The following SNX13 variants were observed in gnomAD, a reference collection of about 807,000 sequenced individuals.
SNX13 encodes sorting nexin 13, also known as sorting nexin-13.
Under a neutral mutation model 133.6 loss-of-function variants are expected in SNX13, and 45 were observed. The observed-to-expected ratio is 0.34, with a 90% CI of 0.27 to 0.43. SNX13 has a LOEUF of 0.43. Among genes scored for constraint, SNX13 ranks in the 20% least tolerant of loss-of-function variants. SNX13 has a pLI of 1.00. For synonymous variants in SNX13, 414 were observed against 373.9 expected (o/e 1.11, Z -1.24); for missense variants, 1,032 against 1,145.1 (o/e 0.90, Z 1.43).
At chr7:17,940,248 T>G in intron 1 of SNX13, 36 bp downstream of exon 1, 1 of 1,554,274 alleles carries the variant, frequency 6.4e-7, no homozygotes, top group Non-Finnish European at 8.7e-7. Flanking sequence ...CCCTTCCCCA[T>G]TTCACAGGTA....
At chr7:17,897,683 T>C (rs929593192) in intron 1 of SNX13, among the ~76,000 whole-genome samples, 2 of 152,064 alleles carry the variant, frequency 1.3e-5, no homozygotes, top group Non-Finnish European at 2.9e-5. Context: ...TTTTAAAAAA[T>C]CCTAGTGGCA....
At chr7:17,856,295 T>C (rs548300626) in intron 9 of SNX13, among the ~76,000 whole-genome samples, 3 of 152,334 alleles carry the variant, frequency 2.0e-5, no homozygotes, top group Admixed American at 2.0e-4. Flanking sequence ...AGCCTCATGG[T>C]AATGACAATC....
chr7:17,910,569 C>T (rs1424288829), intron 1 of SNX13, among the ~76,000 whole-genome samples: 10 of 152,008 alleles, frequency 6.6e-5, no homozygotes, highest in African/African-American at 2.4e-4. Flanking sequence ...TATGTACATA[C>T]CCAAAATAAT....
chr7:17,875,455 C>T lies in SNX13; in HGVS notation c.664+25G>A, dbSNP rs777741454. On this transcript the variant is annotated intron_variant, in intron 7 of 25. Transcript: ENST00000428135. ...CTTGACTCTAGCCAGCTACTATTGT[C>T]AAAAAAGTTAAATTAAAAGAAAACC... is the stretch of plus-strand genomic sequence containing the variant. The T allele has an allele frequency of 4.4e-6, 7 of 1,594,688 alleles. No homozygotes were observed. The African/African-American group carries it at 5.5e-5, about 12-fold the overall frequency.
intron 21 of SNX13, among the ~76,000 whole-genome samples, chr7:17,802,494 T>C (rs957754529): frequency 2.0e-5 from 3 of 152,134 alleles, no homozygotes; most frequent in Non-Finnish European, 2.9e-5. Context: ...TCTCAAGTTA[T>C]TGGTGATGAC....
At chr7:17,834,468 G>A (rs1181822299) in intron 14 of SNX13, among the ~76,000 whole-genome samples, 1 of 151,762 alleles carries the variant, frequency 6.6e-6, no homozygotes. Context: ...ATGTTAAAAT[G>A]AATTTGAAAG....
At chr7:17,865,128 G>C (rs1014189993) in intron 9 of SNX13, among the ~76,000 whole-genome samples, 2 of 152,254 alleles carry the variant, frequency 1.3e-5, no homozygotes, top group African/African-American at 4.8e-5. Context: ...TGAAAGAAAA[G>C]CATGTTAATG....
intron 1 of SNX13, chr7:17,899,627 A>G (rs566997160): frequency 6.6e-6 from 1 of 151,096 alleles, no homozygotes; most frequent in African/African-American, 2.4e-5. Context: ...GCATTTTTCA[A>G]CTCCAAGATT....
rs185062621 is a variant in SNX13, at chr7:17,828,174, A to G, written c.1635+1836T>C. 3.6e-3 allele frequency among the ~76,000 whole-genome samples: 552 copies of G among 151,896 alleles called. 5 individuals are homozygous for G. Among genetic ancestry groups the G allele is most frequent in the African/African-American group, 0.013 (529 of 41,540 alleles). On this transcript the variant is annotated intron_variant, in intron 16 of 25. Coordinates refer to ENST00000428135, the MANE Select transcript of SNX13 (RefSeq NM_015132.5). Reference sequence around the variant, plus strand: ...ATTACATATGATGAAAACTTTGGAAAAACATTAGTTACAGTTATAGTGCAC... The same window carrying G: ...ATTACATATGATGAAAACTTTGGAAGAACATTAGTTACAGTTATAGTGCAC...
At chr7:17,835,773 T>C (rs1302247716) in intron 13 of SNX13, among the ~76,000 whole-genome samples, 1 of 151,958 alleles carries the variant, frequency 6.6e-6, no homozygotes, top group Non-Finnish European at 1.5e-5. Flanking sequence ...GATATAAATA[T>C]GTAGGAAAAG....
intron 18 of SNX13, among the ~76,000 whole-genome samples, chr7:17,817,855 T>C (rs1320417068): frequency 6.6e-6 from 1 of 152,174 alleles, no homozygotes; most frequent in African/African-American, 2.4e-5. Flanking sequence ...AAACACATAT[T>C]TTTCCTGGTA....
At chr7:17,899,380 T>C (rs938619197) in intron 1 of SNX13, 1 of 152,150 alleles carries the variant, frequency 6.6e-6, no homozygotes, top group Non-Finnish European at 1.5e-5. Flanking sequence ...TCTGTTATTA[T>C]CTATCTGAAT....
At chr7:17,917,298 C>A (rs1799666725) in intron 1 of SNX13, among the ~76,000 whole-genome samples, 1 of 151,940 alleles carries the variant, frequency 6.6e-6, no homozygotes, top group African/African-American at 2.4e-5. Context: ...AACATAGTAC[C>A]AGAAGTCTTA....
intron 1 of SNX13, among the ~76,000 whole-genome samples, chr7:17,910,027 C>T (rs1013349480): frequency 8.6e-5 from 13 of 151,862 alleles, no homozygotes; most frequent in African/African-American, 3.1e-4. Flanking sequence ...AAAACCGAGC[C>T]CTACAAACTG....
At chr7:17,935,934 CATA>C (rs1209157323) in intron 1 of SNX13, among the ~76,000 whole-genome samples, 8 of 152,144 alleles carry the variant, frequency 5.3e-5, no homozygotes, top group Admixed American at 6.5e-5. Flanking sequence ...AAAACCAAGT[CATA>C]ATATTTTACT....
At chr7:17,884,937 T>G (rs912091490) in intron 5 of SNX13, among the ~76,000 whole-genome samples, 7 of 152,196 alleles carry the variant, frequency 4.6e-5, no homozygotes, top group African/African-American at 1.7e-4. Flanking sequence ...ACAGCCACTA[T>G]GAAAAAGTTT....
intron 15 of SNX13, chr7:17,830,527 C>G (rs773680952): frequency 1.0e-6 from 1 of 983,758 alleles, no homozygotes; most frequent in East Asian, 1.1e-4. Flanking sequence ...TCCTCTTATT[C>G]TTGGTGGTAG....
rs758586870 is a variant in SNX13, at chr7:17,814,960, A to T, written c.1954-16T>A. 7.9e-5 allele frequency: 111 copies of T among 1,410,854 alleles called. No homozygotes were observed. The highest frequency in any genetic ancestry group is 7.4e-4 in the Middle Eastern group (4 of 5,376). The allele number at this position is 1,410,854 out of a possible 1,614,324, so 87.4% of individuals were successfully genotyped here. On this transcript the variant is annotated splice_polypyrimidine_tract_variant and intron_variant, in intron 19 of 25. Transcript: ENST00000428135. ...CTAACAGTAACTAACAAGAAAAAAA[A>T]AAAAAAGAAGAGATTATCTTAAACT... is the stretch of plus-strand genomic sequence containing the variant.
chr7:17,915,197 T>C (rs565011689), intron 1 of SNX13, among the ~76,000 whole-genome samples: 21 of 152,276 alleles, frequency 1.4e-4, no homozygotes, highest in Admixed American at 7.2e-4. Flanking sequence ...ACACCCAACA[T>C]TGGAGCACCC....
Sources: gnomAD v4.1 joint callset for allele counts (sites outside exome capture counted in the v4.1 genomes callset) on GRCh38, gnomAD v4.1.1 for gene constraint, MANE v1.5 for transcripts, NCBI Gene and HGNC (gene_info 2026-07-23, HGNC 2026-07-21) for gene names.